Variants in MBP observed in about 807,000 individuals in gnomAD.
MBP encodes the protein myelin basic protein, also known as Golli-MBP.
In MBP, 16 loss-of-function variants were observed where a neutral mutation model predicts 35.8. The ratio of observed to expected loss-of-function variants is 0.45; its 90% confidence interval spans 0.30 to 0.68. The LOEUF is 0.68. MBP is among the 30% of genes least tolerant of loss of function. MBP has a pLI of 0.08. For synonymous variants in MBP, 143 were observed against 159.6 expected (o/e 0.90, Z 0.78); for missense variants, 380 against 404.7 (o/e 0.94, Z 0.52).
intron 2 of MBP, among the ~76,000 whole-genome samples, chr18:77,077,889 G>A (rs1974727232): frequency 6.6e-6 from 1 of 152,250 alleles, no homozygotes; most frequent in Non-Finnish European, 1.5e-5. Context: ...GGAGAGTGCA[G>A]GTCTTATATT....
At chr18:77,061,129 C>T (rs1261145092) in intron 3 of MBP, among the ~76,000 whole-genome samples, 1 of 152,214 alleles carries the variant, frequency 6.6e-6, no homozygotes, top group Non-Finnish European at 1.5e-5. Flanking sequence ...GATGGCTAGA[C>T]ACAGGGATCA....
chr18:77,128,265 A>G (rs1031343531), intron 1 of MBP, among the ~76,000 whole-genome samples: 1 of 152,240 alleles, frequency 6.6e-6, no homozygotes, highest in Admixed American at 6.5e-5. Flanking sequence ...AATTGCGTTT[A>G]GCGGAAAAAG....
intron 4 of MBP, chr18:77,013,418 T>C: frequency 4.1e-6 from 4 of 985,436 alleles, no homozygotes; most frequent in Non-Finnish European, 4.8e-6. Flanking sequence ...AGAACACAGC[T>C]ACAGAATTAG....
intron 2 of MBP, among the ~76,000 whole-genome samples, chr18:77,081,841 C>CACACACACACACAT (rs1555726099): frequency 7.3e-5 from 3 of 41,034 alleles, no homozygotes; most frequent in Non-Finnish European, 1.9e-4. Flanking sequence ...CACACACACA[C>CACACACACACACAT]ATATATATAT....
At chr18:77,007,235 A>G (rs1336692877) in intron 4 of MBP, among the ~76,000 whole-genome samples, 2 of 152,332 alleles carry the variant, frequency 1.3e-5, no homozygotes. Flanking sequence ...CTTTCTTGCA[A>G]TAATAAAGCA....
At position 77,095,847 on chromosome 18, in the gene MBP, C is replaced by T. The variant is rs542429263; in HGVS notation, c.51+9364G>A. ...ATTCTTTTAACAAACAGTTCCTCAACGTCAGCACCCGCCATGTGCACGCAC... is the reference window on the plus strand; with the variant it reads ...ATTCTTTTAACAAACAGTTCCTCAATGTCAGCACCCGCCATGTGCACGCAC... On this transcript the variant is annotated intron_variant, in intron 2 of 8. Coordinates refer to ENST00000355994, the MANE Select transcript of MBP (RefSeq NM_001025101.2). 3.3e-5 allele frequency among the ~76,000 whole-genome samples: 5 copies of T among 152,364 alleles called. No individual in the cohort carries two copies. The East Asian group carries it at 9.6e-4, about 29-fold the overall frequency.
chr18:77,029,215 C>T (rs1485964245), intron 3 of MBP, among the ~76,000 whole-genome samples: 1 of 144,668 alleles, frequency 6.9e-6, no homozygotes, highest in Non-Finnish European at 1.5e-5. Flanking sequence ...TGGAGACCAG[C>T]CCGGCCAACA....
At chr18:76,981,118 A>C (rs1333647219) in intron 8 of MBP, 1 of 153,256 alleles carries the variant, frequency 6.5e-6, no homozygotes, top group African/African-American at 2.4e-5. Flanking sequence ...GAGATGGTGC[A>C]CAGGTGTGCT....
chr18:77,069,489 A>G (rs527993610), intron 2 of MBP, among the ~76,000 whole-genome samples: 1 of 152,330 alleles, frequency 6.6e-6, no homozygotes, highest in South Asian at 2.1e-4. Flanking sequence ...CATTTTCTTC[A>G]TGCTTAATGT....
At chr18:77,114,433 G>A (rs111694318) in intron 1 of MBP, 4 of 148,890 alleles carry the variant, frequency 2.7e-5, no homozygotes, top group East Asian at 1.9e-4. Flanking sequence ...TTGTTGAAGC[G>A]GGGAAAAAAA....
At chr18:77,133,056 T>C (rs971659127), upstream of MBP, among the ~76,000 whole-genome samples, 1 of 151,886 alleles carries the variant, frequency 6.6e-6, no homozygotes, top group African/African-American at 2.4e-5. Flanking sequence ...CTGCGGCCCG[T>C]CGACCCTTCC....
In MBP at chr18:76,988,991, G is replaced by C. The variant is rs1338290995; in HGVS notation, c.682-79C>G. On this transcript the variant is annotated intron_variant, in intron 5 of 8. Coordinates refer to ENST00000355994, the MANE Select transcript of MBP (RefSeq NM_001025101.2). This position sits in a 1 kb window ranked among gnomAD's most constrained non-coding sequence, Gnocchi z 5.2. The stretch of plus-strand genomic sequence containing the variant: ...ATTTCCTAACGGGCTCCTGCCTGCT[G>C]AGGGTGGCTAGCATCCATCAGCTGC... The C allele has an allele frequency of 2.9e-6, 4 of 1,401,482 alleles. No individual in the cohort carries two copies. Among genetic ancestry groups the C allele is most frequent in the Non-Finnish European group, 3.0e-6 (3 of 986,168 alleles). 86.8% of individuals were successfully genotyped at this position (1,401,482 alleles called of 1,614,324 possible).
chr18:76,981,262 T>G (rs470821), intron 8 of MBP: 1 of 151,968 alleles, frequency 6.6e-6, no homozygotes, highest in East Asian at 1.9e-4. Flanking sequence ...ATTCAAAGTT[T>G]AGTCTCTCTC....
At chr18:77,060,147 G>A (rs552124523) in intron 3 of MBP, among the ~76,000 whole-genome samples, 16 of 152,072 alleles carry the variant, frequency 1.1e-4, no homozygotes, top group African/African-American at 1.9e-4. Context: ...GGCTGGCCCC[G>A]CCATTTCTCT....
In MBP at chr18:77,017,063, G is replaced by C; in HGVS notation, c.345C>G (p.Asp115Glu). 1 of 1,612,932 alleles carries C rather than the reference G, an allele frequency of 6.2e-7. No individual in the cohort carries two copies. The highest frequency in any genetic ancestry group is 8.5e-7 in the Non-Finnish European group (1 of 1,179,046). ...NTFKDRPSESDELQTIQEDSA... is the reference protein window; with the variant it reads ...NTFKDRPSESEELQTIQEDSA... ...TGTCTTCTTGGATGGTCTGGAGCTC[G>C]TCGGACTCAGAGGGCCTGTCTTTGA... Residue 115 changes from aspartate (D) to glutamate (E), a missense_variant, in exon 4 of 9, where the codon GAC becomes GAG. Physicochemically the swap from Asp to Glu is conservative, Grantham distance 45 (BLOSUM62 2). Transcript: ENST00000355994.
intron 1 of MBP, among the ~76,000 whole-genome samples, chr18:77,126,822 A>C (rs1471239459): frequency 1.3e-5 from 2 of 152,218 alleles, no homozygotes; most frequent in Non-Finnish European, 2.9e-5. Flanking sequence ...GTACACTGTA[A>C]AGAAATTTCA....
In MBP at chr18:77,020,418, G is replaced by A. The variant is rs1971944665; in HGVS notation, c.140-3150C>T. On this transcript the variant is annotated intron_variant, in intron 3 of 8. Coordinates refer to ENST00000355994, the MANE Select transcript of MBP (RefSeq NM_001025101.2). The surrounding 1 kb of genome is among the most constrained non-coding windows in gnomAD (Gnocchi z 4.1). ...GGACCTCTTTCAGTAACTGCCCTGG[G>A]GTCCCCGTGACCCCTCCAGTTTCCC... is the stretch of plus-strand genomic sequence containing the variant. 6.6e-6 allele frequency among the ~76,000 whole-genome samples: 1 copy of A among 152,140 alleles called. No homozygotes were observed. The highest frequency in any genetic ancestry group is 1.5e-5 in the Non-Finnish European group (1 of 68,016).
At chr18:76,987,269 T>A (rs1338504067) in intron 7 of MBP, 21 of 985,354 alleles carry the variant, frequency 2.1e-5, no homozygotes, top group African/African-American at 3.5e-5. Context: ...CATTCTTCTA[T>A]CATCTTTGTC....
At chr18:77,027,718 T>C (rs1972278018) in intron 3 of MBP, among the ~76,000 whole-genome samples, 1 of 152,252 alleles carries the variant, frequency 6.6e-6, no homozygotes, top group Non-Finnish European at 1.5e-5. Context: ...GATGGGGTCT[T>C]GCTCAGTTGC....
Sources: allele counts gnomAD v4.1 joint callset (sites outside exome capture counted in the v4.1 genomes callset), GRCh38; gene constraint gnomAD v4.1.1; non-coding constraint Gnocchi (gnomAD v3.1); transcripts MANE v1.5; gene names NCBI Gene and HGNC (gene_info 2026-07-23, HGNC 2026-07-21).